The following PRLR variants were observed in gnomAD, a reference collection of about 807,000 sequenced individuals.
PRLR encodes the protein hPRL receptor.
PRLR carries 13 observed loss-of-function variants against 40.2 expected under a neutral mutation model. The ratio of observed to expected loss-of-function variants is 0.32; its 90% CI spans 0.21 to 0.51. The LOEUF (loss-of-function observed/expected upper bound fraction) is 0.51, where lower values mean the gene tolerates loss of function less well. PRLR is among the 20% of genes least tolerant of loss of function. PRLR has a pLI of 0.97. For synonymous variants in PRLR, 269 were observed against 278.7 expected (o/e 0.97, Z 0.35); for missense variants, 656 against 747.3 (o/e 0.88, Z 1.42).
intron 1 of PRLR, among the ~76,000 whole-genome samples, chr5:35,149,825 C>T (rs1442500433): frequency 6.6e-6 from 1 of 151,948 alleles, no homozygotes; most frequent in Non-Finnish European, 1.5e-5. Flanking sequence ...TGATTTTCTA[C>T]ATAGCCAAAA....
intron 1 of PRLR, among the ~76,000 whole-genome samples, chr5:35,224,728 A>G (rs202201066): frequency 6.2e-5 from 1 of 16,206 alleles, no homozygotes; most frequent in African/African-American, 1.1e-4. Flanking sequence ...AAGTTGGGGG[A>G]AAAAAAGGGA....
intron 5 of PRLR, among the ~76,000 whole-genome samples, chr5:35,083,506 A>C (rs1770655003): frequency 6.9e-6 from 1 of 145,262 alleles, no homozygotes; most frequent in African/African-American, 2.6e-5. Context: ...TTAACATTTA[A>C]ATTCTTTCTT....
chr5:35,125,945 A>T (rs929082042), intron 1 of PRLR, among the ~76,000 whole-genome samples: 7 of 152,172 alleles, frequency 4.6e-5, no homozygotes. Context: ...CTTGGGCAAC[A>T]CAGCAAATGA....
Position 35,180,127 on chromosome 5 carries a change from C to T in PRLR, c.-106+50141G>A, listed in dbSNP as rs143980002. ...CCCTCACATGTGCAGTTCACAATAG[C>T]GTTTGCACTCCTATGAGAATCTAAT... On this transcript the variant is annotated intron_variant, in intron 1 of 9. Coordinates refer to ENST00000618457, the MANE Select transcript of PRLR (RefSeq NM_000949.7). Among the ~76,000 whole-genome samples, 428 of 152,242 alleles carry T rather than the reference C, an allele frequency of 2.8e-3. 3 individuals are homozygous for T. Among genetic ancestry groups the T allele is most frequent in the Middle Eastern group, 0.01 (3 of 294 alleles).
At chr5:35,089,398 C>G (rs1003942043) in intron 3 of PRLR, among the ~76,000 whole-genome samples, 153 bp downstream of exon 3, 2 of 152,174 alleles carry the variant, frequency 1.3e-5, no homozygotes, top group African/African-American at 4.8e-5. Flanking sequence ...TCTGCATTAA[C>G]TTTAATGCAA....
intron 8 of PRLR, among the ~76,000 whole-genome samples, chr5:35,050,656 G>A (rs949258955): frequency 6.6e-6 from 1 of 152,144 alleles, no homozygotes; most frequent in Admixed American, 6.5e-5. Context: ...TTTGCACACA[G>A]GTTCACCAGT....
chr5:35,217,624 T>C (rs992533814), intron 1 of PRLR, among the ~76,000 whole-genome samples: 1 of 152,230 alleles, frequency 6.6e-6, no homozygotes, highest in African/African-American at 2.4e-5. Flanking sequence ...ATATGGTATA[T>C]TTTTGTAAAG....
intron 1 of PRLR, among the ~76,000 whole-genome samples, chr5:35,219,359 C>CT (rs1376778889): frequency 6.6e-6 from 1 of 152,148 alleles, no homozygotes; most frequent in Non-Finnish European, 1.5e-5. Flanking sequence ...GACTTAACCT[C>CT]TTTTTTTGCC....
At chr5:35,206,357 T>C (rs1776015035) in intron 1 of PRLR, among the ~76,000 whole-genome samples, 1 of 152,092 alleles carries the variant, frequency 6.6e-6, no homozygotes, top group Admixed American at 6.6e-5. Flanking sequence ...AAATTTATGG[T>C]ATAAAAAGAC....
chr5:35,206,096 G>T (rs946216156), intron 1 of PRLR, among the ~76,000 whole-genome samples: 1 of 152,106 alleles, frequency 6.6e-6, no homozygotes, highest in African/African-American at 2.4e-5. Flanking sequence ...AGGACAGGTA[G>T]CCATTATGAG....
chr5:35,090,680 A>T (rs968109984), intron 2 of PRLR, among the ~76,000 whole-genome samples: 5 of 148,818 alleles, frequency 3.4e-5, no homozygotes, highest in African/African-American at 1.2e-4. Flanking sequence ...AGTGTGTTTG[A>T]TGAGCCCCTG....
At position 35,216,271 on chromosome 5, in the gene PRLR, C is replaced by CACTATTAAAATGCAAATTTGG. The variant is rs57995964; in HGVS notation, c.-106+13996_-106+13997insCCAAATTTGCATTTTAATAGT. On this transcript the variant is annotated intron_variant, in intron 1 of 9. Coordinates refer to ENST00000618457, the MANE Select transcript of PRLR (RefSeq NM_000949.7). ...CACCAACAGAGACTTGAGGTTGAAC[C>CACTATTAAAATGCAAATTTGG]AAGTGCTCATTTATTGAACTATAGT... Among the ~76,000 whole-genome samples, 47 of 152,026 alleles carry CACTATTAAAATGCAAATTTGG rather than the reference C, an allele frequency of 3.1e-4. 1 individual carries two copies. The highest frequency in any genetic ancestry group is 5.7e-4 in the Non-Finnish European group (39 of 67,982).
At chr5:35,168,192 G>C (rs1442182049) in intron 1 of PRLR, among the ~76,000 whole-genome samples, 1 of 151,872 alleles carries the variant, frequency 6.6e-6, no homozygotes, top group Non-Finnish European at 1.5e-5. Flanking sequence ...TAATTACATA[G>C]ACCCAAAATA....
intron 1 of PRLR, among the ~76,000 whole-genome samples, chr5:35,176,425 G>C (rs1280054336): frequency 6.6e-6 from 1 of 152,160 alleles, no homozygotes; most frequent in African/African-American, 2.4e-5. Context: ...TACTGTGTCT[G>C]TGTAGAAAGA....
At chr5:35,183,299 G>T (rs1011432063) in intron 1 of PRLR, among the ~76,000 whole-genome samples, 1 of 152,174 alleles carries the variant, frequency 6.6e-6, no homozygotes, top group Admixed American at 6.5e-5. Flanking sequence ...CAGTCACCAC[G>T]TTCCTCTGAG....
intron 1 of PRLR, among the ~76,000 whole-genome samples, chr5:35,129,759 A>C (rs1773597696): frequency 6.6e-6 from 1 of 151,750 alleles, no homozygotes; most frequent in Non-Finnish European, 1.5e-5. Context: ...GTGACAGAGT[A>C]ACTTTACTCC....
intron 1 of PRLR, among the ~76,000 whole-genome samples, chr5:35,227,756 A>C (rs1309122928): frequency 2.0e-5 from 3 of 152,154 alleles, no homozygotes; most frequent in African/African-American, 7.2e-5. Flanking sequence ...ATCTGTGCCA[A>C]ACTGTGAAAG....
At chr5:35,048,978 A>T (rs1214818508) in exon 9 of PRLR, 3 of 410,574 alleles carry the variant, frequency 7.3e-6, no homozygotes, top group Non-Finnish European at 1.4e-5. Flanking sequence ...CACATCCTTC[A>T]CAAACACCTG....
At chr5:35,154,021 A>T (rs1228820002) in intron 1 of PRLR, among the ~76,000 whole-genome samples, 4 of 152,236 alleles carry the variant, frequency 2.6e-5, no homozygotes, top group Admixed American at 2.6e-4. Flanking sequence ...TGGTTTTGAT[A>T]ATAATTTTCT....
Sources: allele counts gnomAD v4.1 joint callset (sites outside exome capture counted in the v4.1 genomes callset), GRCh38; gene constraint gnomAD v4.1.1; transcripts MANE v1.5; gene names NCBI Gene and HGNC (gene_info 2026-07-23, HGNC 2026-07-21).